MAST4: variants seen among roughly 807,000 people sequenced by gnomAD.
MAST4 encodes microtubule associated serine/threonine kinase family member 4, also known as microtubule-associated serine/threonine-protein kinase 4.
In MAST4, 89 loss-of-function variants were observed where a neutral mutation model predicts 162.7. The ratio of observed to expected loss-of-function variants is 0.55; its 90% CI spans 0.46 to 0.65. The LOEUF (loss-of-function observed/expected upper bound fraction) is 0.65, where lower values mean the gene tolerates loss of function less well. MAST4 is among the 30% of genes least tolerant of loss of function. The probability of loss-of-function intolerance (pLI) is 0.00; values close to 1 mark genes in which losing one functional copy is unlikely to be tolerated. For synonymous variants in MAST4, 1,479 were observed against 1,361.1 expected, an observed-to-expected ratio of 1.09 and a Z score of -1.91; for missense variants, 3,153 against 3,374.0, an observed-to-expected ratio of 0.93 and a Z score of 1.62.
chr5:67,132,941 C>A (rs936825697), intron 16 of MAST4, among the ~76,000 whole-genome samples: 15 of 151,910 alleles, frequency 9.9e-5, no homozygotes, highest in Admixed American at 9.8e-4. Context: ...TACTGTAATA[C>A]CGTATATACT....
chr5:67,104,500 T>G lies in MAST4; in HGVS notation c.1281T>G (p.Asp427Glu), dbSNP rs1204359659. 4 of 1,613,820 alleles carry G rather than the reference T, an allele frequency of 2.5e-6. No individual in the cohort carries two copies. The highest frequency in any genetic ancestry group is 3.4e-6 in the Non-Finnish European group (4 of 1,179,850). ...TTGAACTGGCTCGAGATTGCTTGGATAAATCCCACCAGGGCCTCATCACCT... is the reference window on the plus strand; with the variant it reads ...TTGAACTGGCTCGAGATTGCTTGGAGAAATCCCACCAGGGCCTCATCACCT... ...QIIELARDCL[D>E]KSHQGLITSR... Residue 427 changes from aspartate to glutamate, a missense_variant, in exon 10 of 29, where the codon GAT becomes GAG. Asp to Glu is a conservative substitution (Grantham distance 45). Transcript: ENST00000403625.
At chr5:67,057,516 G>A (rs1252987593) in intron 5 of MAST4, among the ~76,000 whole-genome samples, 1 of 151,028 alleles carries the variant, frequency 6.6e-6, no homozygotes, top group East Asian at 1.9e-4. Context: ...ACAGTGGTCT[G>A]GAGCATGTCT....
intron 3 of MAST4, among the ~76,000 whole-genome samples, chr5:66,819,964 ATTTTTTTT>A (rs35712503): frequency 7.6e-6 from 1 of 132,140 alleles, no homozygotes; most frequent in African/African-American, 2.8e-5. Context: ...TTTTCTTTTA[ATTTTTTTT>A]TTTTTTTTGT....
At chr5:67,028,467 T>G (rs463204) in intron 4 of MAST4, among the ~76,000 whole-genome samples, 67,170 of 151,762 alleles carry the variant, frequency 0.44, 15,551 homozygotes, top group African/African-American at 0.56. Context: ...GCAAAAAGGA[T>G]TCCAGGATCT....
chr5:67,150,687 C>T (rs1487080748), intron 24 of MAST4, among the ~76,000 whole-genome samples: 2 of 152,152 alleles, frequency 1.3e-5, no homozygotes, highest in African/African-American at 4.8e-5. Context: ...GGGAGACCAT[C>T]AGAAGGTAAA....
chr5:66,917,350 A>G (rs999022521), intron 4 of MAST4: 10 of 227,082 alleles, frequency 4.4e-5, no homozygotes, highest in Non-Finnish European at 2.6e-5. Context: ...CCGTTGTGGT[A>G]TGTGTGCAAA....
intron 1 of MAST4, among the ~76,000 whole-genome samples, chr5:66,729,016 G>A (rs1480149277): frequency 6.6e-6 from 1 of 152,082 alleles, no homozygotes; most frequent in African/African-American, 2.4e-5. Flanking sequence ...TCTCTGTTTT[G>A]TAAACAAAAT....
intron 4 of MAST4, among the ~76,000 whole-genome samples, chr5:66,974,115 G>A (rs745935341): frequency 1.1e-4 from 16 of 152,168 alleles, no homozygotes; most frequent in African/African-American, 3.1e-4. Flanking sequence ...GGCCTTCCCC[G>A]GCCACTCTAT....
At position 67,059,804 on chromosome 5, in the gene MAST4, T is replaced by C. The variant is rs183498583; in HGVS notation, c.763+5312T>C. The stretch of plus-strand genomic sequence containing the variant: ...ATATCCCTAAATCTCTGTCTATGTG[T>C]ATATATAGATTTAGGTTACAAAGAG... On this transcript the variant is annotated intron_variant, in intron 5 of 28. Transcript: ENST00000403625. Among the ~76,000 whole-genome samples the C allele has an allele frequency of 2.6e-3, 403 of 152,276 alleles. 3 individuals are homozygous for C. Among genetic ancestry groups the C allele is most frequent in the Non-Finnish European group, 4.1e-3 (279 of 68,018 alleles).
At chr5:66,878,084 A>G (rs1272291103) in intron 3 of MAST4, among the ~76,000 whole-genome samples, 1 of 152,240 alleles carries the variant, frequency 6.6e-6, no homozygotes, top group Non-Finnish European at 1.5e-5. Context: ...CTGTTATCAA[A>G]GGATAAAGCA....
chr5:66,788,833 C>T (rs930307219), intron 3 of MAST4, 39 bp downstream of exon 3: 1 of 1,512,286 alleles, frequency 6.6e-7, no homozygotes, highest in African/African-American at 1.4e-5. Context: ...TGCTCCAGCT[C>T]ACCACCTCTC....
intron 1 of MAST4, among the ~76,000 whole-genome samples, chr5:66,747,005 A>G (rs575119614): frequency 3.9e-5 from 6 of 151,908 alleles, no homozygotes; most frequent in Admixed American, 2.0e-4. Context: ...GCTTAATCAC[A>G]GTCAGTTGCA....
At chr5:67,095,253 A>G (rs1764316467) in intron 6 of MAST4, among the ~76,000 whole-genome samples, 8 of 152,210 alleles carry the variant, frequency 5.3e-5, no homozygotes, top group Admixed American at 5.2e-4. Context: ...ATCAGCTTCC[A>G]GATGAGAGTG....
chr5:67,125,405 C>T (rs997205739), intron 14 of MAST4, among the ~76,000 whole-genome samples: 2 of 152,020 alleles, frequency 1.3e-5, no homozygotes, highest in African/African-American at 4.8e-5. Context: ...CTCCCCTAGC[C>T]CCCAACTCCC....
At position 67,164,714 on chromosome 5, in the gene MAST4, C is replaced by G; in HGVS notation, c.5535C>G (p.Ser1845Arg). 6.2e-7 allele frequency: 1 copy of G among 1,613,982 alleles called. No homozygotes were observed. Among genetic ancestry groups the G allele is most frequent in the Non-Finnish European group, 8.5e-7 (1 of 1,179,892 alleles). ...VRASVPPVLPSSSGKKNDTTS... is the reference protein window; with the variant it reads ...VRASVPPVLPRSSGKKNDTTS... ...CCTCTGTGCCACCAGTTCTCCCCAG[C>G]AGCAGTGGGAAAAAGAACGATACCA... Residue 1845 changes from serine to arginine, a missense_variant, in exon 29 of 29, where the codon AGC becomes AGG. Ser to Arg is a moderately radical substitution (Grantham distance 110, BLOSUM62 -1). Coordinates refer to ENST00000403625, the MANE Select transcript of MAST4 (RefSeq NM_001164664.2). This position sits in a 1 kb window ranked among gnomAD's most constrained non-coding sequence, Gnocchi z 5.3.
chr5:66,828,914 A>C (rs1260790669), intron 3 of MAST4: 1 of 1,527,662 alleles, frequency 6.5e-7, no homozygotes, highest in Non-Finnish European at 9.0e-7. Flanking sequence ...GACATGTAGC[A>C]TTGTCAGTGG....
At chr5:66,690,781 CTG>C (rs1351909136) in intron 1 of MAST4, among the ~76,000 whole-genome samples, 2 of 152,158 alleles carry the variant, frequency 1.3e-5, no homozygotes, top group Admixed American at 1.3e-4. Context: ...AAGGTGTCAT[CTG>C]TACTTTGATA....
intron 1 of MAST4, among the ~76,000 whole-genome samples, chr5:66,759,325 C>T (rs1437778869): frequency 6.6e-6 from 1 of 152,200 alleles, no homozygotes; most frequent in Non-Finnish European, 1.5e-5. Flanking sequence ...ACCTAGGATA[C>T]ACACACATAC....
intron 1 of MAST4, among the ~76,000 whole-genome samples, chr5:66,668,931 C>G (rs1747438192): frequency 6.6e-6 from 1 of 152,108 alleles, no homozygotes; most frequent in African/African-American, 2.4e-5. Context: ...GTGGAAGGAG[C>G]TAGCGCGGGA....
Sources: gnomAD v4.1 joint callset for allele counts (sites outside exome capture counted in the v4.1 genomes callset) on GRCh38, gnomAD v4.1.1 for gene constraint, Gnocchi (gnomAD v3.1) non-coding constraint, MANE v1.5 for transcripts, NCBI Gene and HGNC (gene_info 2026-07-23, HGNC 2026-07-21) for gene names.